The following ENSA variants were observed in gnomAD, a reference collection of about 807,000 sequenced individuals.
ENSA encodes the protein alpha-endosulfine.
A neutral mutation model predicts 16.8 loss-of-function variants in ENSA; 7 were observed. That is an observed-to-expected ratio of 0.42 (90% CI 0.24 to 0.78). ENSA has a LOEUF of 0.78. ENSA is among the 30% of genes least tolerant of loss of function. The pLI is 0.29. For missense variants in ENSA, 87 were observed against 142.3 expected (o/e 0.61, Z 1.98); for synonymous variants, 58 against 53.4 (o/e 1.09, Z -0.37).
chr1:150,628,297 C>A (rs1435198506), intron 1 of ENSA, among the ~76,000 whole-genome samples: 1 of 152,170 alleles, frequency 6.6e-6, no homozygotes, highest in Non-Finnish European at 1.5e-5. Flanking sequence ...AGATCTCCAC[C>A]TGAGTAATGG....
intron 2 of ENSA, among the ~76,000 whole-genome samples, chr1:150,626,723 A>C (rs1557770628): frequency 6.6e-6 from 1 of 152,244 alleles, no homozygotes; most frequent in East Asian, 1.9e-4. Context: ...CACCCGGCTA[A>C]GTGTTTGTAT....
intron 3 of ENSA, chr1:150,624,162 C>A (rs2101736979): frequency 1.0e-6 from 1 of 985,418 alleles, no homozygotes; most frequent in Middle Eastern, 5.2e-4. Flanking sequence ...CACCTGCAAC[C>A]CCTTTCCTCC....
intron 2 of ENSA, 177 bp downstream of exon 2, chr1:150,627,284 GGGAATT>G (rs1649400793): frequency 6.4e-7 from 1 of 1,558,102 alleles, no homozygotes; most frequent in Non-Finnish European, 8.7e-7. Flanking sequence ...GAAATCAGGA[GGGAATT>G]GATACCACAT....
intron 3 of ENSA, chr1:150,624,530 G>A: frequency 1.1e-5 from 11 of 985,920 alleles, no homozygotes; most frequent in Non-Finnish European, 1.3e-5. Context: ...GGCTGGGAAA[G>A]TGGGCTGGGT....
At position 150,622,804 on chromosome 1, in the gene ENSA, AG is replaced by A. The variant is rs1478994577; in HGVS notation, c.*39del. The stretch of plus-strand genomic sequence containing the variant: ...AGCACAGGACCCGGGTGGGGCAGGG[AG>A]GGGAAGCGTCTCAGGATCTGGCAGA... On this transcript the variant is annotated 3_prime_UTR_variant, in exon 4 of 4. Coordinates refer to ENST00000369014, the MANE Select transcript of ENSA (RefSeq NM_004436.4). 10 of 1,443,538 alleles carry A rather than the reference AG, an allele frequency of 6.9e-6. No homozygotes were observed. Among genetic ancestry groups the A allele is most frequent in the Non-Finnish European group, 8.3e-6 (9 of 1,077,884 alleles). The allele number at this position is 1,443,538 out of a possible 1,614,324, so 89.4% of individuals were successfully genotyped here. A position where few individuals can be genotyped will look rare whatever the true frequency, so the allele number is the denominator to read the frequency against.
At chr1:150,628,606 T>G (rs941977702) in intron 1 of ENSA, among the ~76,000 whole-genome samples, 2 of 152,130 alleles carry the variant, frequency 1.3e-5, no homozygotes, top group Non-Finnish European at 2.9e-5. Flanking sequence ...TCTTGGAAAT[T>G]ACGCATAGAT....
At chr1:150,627,645 C>G in intron 1 of ENSA, 53 bp from the exon 2 acceptor site, 2 of 1,558,992 alleles carry the variant, frequency 1.3e-6, no homozygotes, top group East Asian at 2.2e-5. Context: ...ACAACAGCTT[C>G]TCACATCTGA....
At chr1:150,625,382 A>G in intron 3 of ENSA, 7 of 1,164,058 alleles carry the variant, frequency 6.0e-6, no homozygotes, top group Non-Finnish European at 7.4e-6. Context: ...AAGCATTTGC[A>G]GCATTATCCA....
At position 150,624,104 on chromosome 1, in the gene ENSA, C is replaced by T. The variant is rs116221964; in HGVS notation, c.351-1245G>A. 958 of 985,416 alleles carry T rather than the reference C, an allele frequency of 9.7e-4. 4 individuals carry two copies. In the Middle Eastern group the frequency reaches 0.013, roughly 13 times the overall value. 61.0% of individuals were successfully genotyped at this position (985,416 alleles called of 1,614,324 possible). A position where few individuals can be genotyped will look rare whatever the true frequency, so the allele number is the denominator to read the frequency against. ...TCTGTCATAACTAGCAAGTTGCGTT[C>T]AATAAAATTCTAGCCAAGCTGGTGG... On this transcript the variant is annotated intron_variant, in intron 3 of 3. Coordinates refer to ENST00000369014, the MANE Select transcript of ENSA (RefSeq NM_004436.4).
At chr1:150,625,443 G>A in intron 3 of ENSA, 199 bp downstream of exon 3, 1 of 1,305,502 alleles carries the variant, frequency 7.7e-7, no homozygotes. Flanking sequence ...GGGAGTGTGT[G>A]GAAGTGTCAA....
At chr1:150,629,100 A>G (rs752130840) in intron 1 of ENSA, 65 of 1,613,972 alleles carry the variant, frequency 4.0e-5, no homozygotes, top group Non-Finnish European at 5.2e-5. Context: ...CAAGACCACC[A>G]GCCATCCCCT....
chr1:150,629,101 GCCATCCCCTTTCCATTCAC>G (rs773531510), intron 1 of ENSA: 1 of 1,614,012 alleles, frequency 6.2e-7, no homozygotes, highest in Non-Finnish European at 8.5e-7. Context: ...AAGACCACCA[GCCATCCCCTTTCCATTCAC>G]CGTCTTTCCA....
downstream of ENSA, chr1:150,622,085 C>T (rs1649018130): frequency 6.6e-6 from 1 of 152,206 alleles, no homozygotes; most frequent in Admixed American, 6.5e-5. Flanking sequence ...TTTCTTCCCC[C>T]TCCCAAACCC....
rs781595820 is a variant in ENSA at position 150,622,659 on chromosome 1, G to A, written c.*185C>T. 5.3e-5 allele frequency: 18 copies of A among 340,146 alleles called. No individual in the cohort carries two copies. The highest frequency in any genetic ancestry group is 1.1e-4 in the Admixed American group (2 of 18,336). The allele number at this position is 340,146 out of a possible 1,614,324, so 21.1% of individuals were successfully genotyped here. On this transcript the variant is annotated 3_prime_UTR_variant, in exon 4 of 4. Transcript: ENST00000369014. Reference sequence around the variant, plus strand: ...AAAACAAAAAAGGTTCAAGGTCTTGGTGCTCAGCCCAAGGGGCTCCATGTG... The same window carrying A: ...AAAACAAAAAAGGTTCAAGGTCTTGATGCTCAGCCCAAGGGGCTCCATGTG...
rs754043338 is a variant in ENSA at position 150,627,508 on chromosome 1, G to T, written c.142C>A (p.Pro48Thr). The T allele has an allele frequency of 8.7e-6, 14 of 1,614,040 alleles. No homozygotes were observed. The highest frequency in any genetic ancestry group is 1.7e-6 in the Non-Finnish European group (2 of 1,180,022). Residue 48 changes from proline to threonine, a missense_variant, in exon 2 of 4, where the codon CCT becomes ACT. Transcript: ENST00000369014. ...KAKYPSLGQKPGGSDFLMKRL... is the reference protein window; with the variant it reads ...KAKYPSLGQKTGGSDFLMKRL... ...TTCATGAGGAAGTCGGAGCCTCCAG[G>T]CTTTTGTCCTAGGCTTGGGTATTTG...
At chr1:150,621,766 C>A (rs903448830), downstream of ENSA, 3 of 152,090 alleles carry the variant, frequency 2.0e-5, no homozygotes, top group East Asian at 3.8e-4. Flanking sequence ...TAATATATTT[C>A]TTTTGGTTTG....
rs771660957 is a variant in ENSA, at chr1:150,629,057, T to C, written c.57+357A>G. Reference sequence around the variant, plus strand: ...GGCCCCAGCCCGGTTGCTGGGTCACTTACCTCTACAAACCAATAACACACA... The same window carrying C: ...GGCCCCAGCCCGGTTGCTGGGTCACCTACCTCTACAAACCAATAACACACA... On this transcript the variant is annotated intron_variant, in intron 1 of 3. Transcript: ENST00000369014. 2.5e-6 allele frequency: 4 copies of C among 1,613,988 alleles called. No individual in the cohort carries two copies. The African/African-American group carries it at 4.0e-5, about 16-fold the overall frequency.
Position 150,627,470 on chromosome 1 carries a change from T to C in ENSA, c.180A>G (p.Lys60=), listed in dbSNP as rs1275238960. 2 of 1,614,210 alleles carry C rather than the reference T, an allele frequency of 1.2e-6. No homozygotes were observed. Among genetic ancestry groups the C allele is most frequent in the African/African-American group, 2.7e-5 (2 of 75,046 alleles). Residue 60 remains lysine, a synonymous_variant, in exon 2 of 4, where the codon AAA becomes AAG. Coordinates refer to ENST00000369014, the MANE Select transcript of ENSA (RefSeq NM_004436.4). The part of the protein sequence containing the change: ...GSDFLMKRLQ[K]GQKYFDSGDY... ...GGTAAGAGACTATGCCCCATACCCCTTTCTGGAGTCTCTTCATGAGGAAGT... is the reference window on the plus strand; with the variant it reads ...GGTAAGAGACTATGCCCCATACCCCCTTCTGGAGTCTCTTCATGAGGAAGT...
intron 2 of ENSA, chr1:150,626,568 T>C: frequency 6.4e-7 from 1 of 1,565,232 alleles, no homozygotes; most frequent in Non-Finnish European, 8.7e-7. Context: ...TAAAAAAATT[T>C]TTTTTTGAGA....
Sources: gnomAD v4.1 joint callset for allele counts (sites outside exome capture counted in the v4.1 genomes callset) on GRCh38, gnomAD v4.1.1 for gene constraint, MANE v1.5 for transcripts, NCBI Gene and HGNC (gene_info 2026-07-23, HGNC 2026-07-21) for gene names.